DDX10: variants seen among roughly 807,000 people sequenced by gnomAD.
The protein encoded by DDX10 is probable ATP-dependent RNA helicase DDX10.
A neutral mutation model predicts 104.3 loss-of-function variants in DDX10; 74 were observed. The observed-to-expected ratio is 0.71, with a 90% confidence interval of 0.59 to 0.86. The LOEUF (loss-of-function observed/expected upper bound fraction) is 0.86. Among genes scored for constraint, DDX10 ranks in the 40% least tolerant of loss-of-function variants. DDX10 has a pLI of 0.00. For missense variants in DDX10, 952 were observed against 1,040.0 expected (o/e 0.92, Z 1.16); for synonymous variants, 351 against 353.4 (o/e 0.99, Z 0.08).
intron 16 of DDX10, among the ~76,000 whole-genome samples, chr11:108,882,059 C>T (rs1039526502): frequency 6.6e-6 from 1 of 152,008 alleles, no homozygotes; most frequent in Non-Finnish European, 1.5e-5. Flanking sequence ...CTGTTTACTT[C>T]CTATTGGAGA....
At chr11:108,922,608 CTTCT>C (rs951048695) in intron 17 of DDX10, among the ~76,000 whole-genome samples, 7 of 152,196 alleles carry the variant, frequency 4.6e-5, no homozygotes, top group African/African-American at 1.4e-4. Context: ...TTACTTCTGC[CTTCT>C]TTCTCAGTTC....
At chr11:108,769,370 C>T (rs1266664166) in intron 13 of DDX10, among the ~76,000 whole-genome samples, 1 of 151,596 alleles carries the variant, frequency 6.6e-6, no homozygotes, top group African/African-American at 2.4e-5. Context: ...TGGTTTTAAC[C>T]CAAGCATTGG....
chr11:108,682,955 C>G (rs1402027454), intron 6 of DDX10, among the ~76,000 whole-genome samples: 1 of 151,972 alleles, frequency 6.6e-6, no homozygotes, highest in Non-Finnish European at 1.5e-5. Context: ...TGACAGTTCT[C>G]TTGTTCCTTT....
chr11:108,719,403 G>A (rs1591800312), intron 11 of DDX10, among the ~76,000 whole-genome samples: 1 of 151,666 alleles, frequency 6.6e-6, no homozygotes, highest in African/African-American at 2.4e-5. Flanking sequence ...TCCCTTTTTT[G>A]ATAGATGAGG....
intron 14 of DDX10, among the ~76,000 whole-genome samples, chr11:108,839,852 A>G (rs1862612358): frequency 6.6e-6 from 1 of 152,210 alleles, no homozygotes; most frequent in African/African-American, 2.4e-5. Flanking sequence ...TGTTCACTGT[A>G]AAATGAGATG....
intron 16 of DDX10, among the ~76,000 whole-genome samples, chr11:108,896,870 A>T (rs990848344): frequency 6.6e-6 from 1 of 151,840 alleles, no homozygotes; most frequent in African/African-American, 2.4e-5. Flanking sequence ...GACTGGGGGG[A>T]AAAAAAATCC....
intron 13 of DDX10, among the ~76,000 whole-genome samples, chr11:108,754,891 A>G (rs1369541538): frequency 6.6e-6 from 1 of 152,064 alleles, no homozygotes; most frequent in Admixed American, 6.6e-5. Context: ...TTGGATTTTC[A>G]GACTGATACA....
At chr11:108,913,622 T>C (rs1218615677) in intron 16 of DDX10, among the ~76,000 whole-genome samples, 1 of 152,182 alleles carries the variant, frequency 6.6e-6, no homozygotes, top group African/African-American at 2.4e-5. Context: ...AGTCCCTAGC[T>C]TGACTTCCCT....
intron 16 of DDX10, among the ~76,000 whole-genome samples, chr11:108,878,783 C>T (rs1455565373): frequency 1.7e-5 from 1 of 58,446 alleles, no homozygotes; most frequent in African/African-American, 4.8e-5. Context: ...TAGAGATTAA[C>T]ATAGTTGTTT....
intron 16 of DDX10, among the ~76,000 whole-genome samples, chr11:108,916,129 T>C (rs1278021092): frequency 6.6e-6 from 1 of 152,256 alleles, no homozygotes; most frequent in Non-Finnish European, 1.5e-5. Flanking sequence ...CCTCCATTCT[T>C]TTTAGGTGTA....
At chr11:108,881,083 C>A (rs539617775) in intron 16 of DDX10, among the ~76,000 whole-genome samples, 1 of 152,284 alleles carries the variant, frequency 6.6e-6, no homozygotes, top group South Asian at 2.1e-4. Context: ...ACTCTTTAAA[C>A]CGTTTCTTAA....
rs116879952 is a variant in DDX10, at chr11:108,889,500, C to T, written c.2305-28373C>T. ...AATAAAATTATCATCTGTGTTCCCA[C>T]TAATATCAAATGTTAACTTTTTTTT... On this transcript the variant is annotated intron_variant, in intron 16 of 17. Coordinates refer to ENST00000322536, the MANE Select transcript of DDX10 (RefSeq NM_004398.4). 9.3e-3 allele frequency among the ~76,000 whole-genome samples: 1,407 copies of T among 152,100 alleles called. 10 individuals carry two copies. Among genetic ancestry groups the T allele is most frequent in the Non-Finnish European group, 0.015 (1,018 of 67,960 alleles).
chr11:108,791,099 A>G (rs1179952000), intron 13 of DDX10, among the ~76,000 whole-genome samples: 8 of 152,232 alleles, frequency 5.3e-5, no homozygotes. Context: ...AAGAGATACT[A>G]GTGTGACTTC....
intron 12 of DDX10, among the ~76,000 whole-genome samples, chr11:108,721,478 G>C (rs532314377): frequency 9.9e-4 from 151 of 152,252 alleles, no homozygotes; most frequent in African/African-American, 3.5e-3. Flanking sequence ...GAAAGGCACA[G>C]GTCTTTAACA....
At chr11:108,924,164 A>G (rs1863877719) in intron 17 of DDX10, among the ~76,000 whole-genome samples, 1 of 152,164 alleles carries the variant, frequency 6.6e-6, no homozygotes, top group Non-Finnish European at 1.5e-5. Context: ...AGTCAAATTA[A>G]ATTTTTAATA....
intron 10 of DDX10, among the ~76,000 whole-genome samples, chr11:108,707,095 AT>A (rs1362405498): frequency 6.6e-6 from 1 of 152,004 alleles, no homozygotes; most frequent in Non-Finnish European, 1.5e-5. Flanking sequence ...ATCTGCTACA[AT>A]TGATGAACCT....
intron 16 of DDX10, among the ~76,000 whole-genome samples, chr11:108,867,414 A>C (rs1863020910): frequency 6.6e-6 from 1 of 152,172 alleles, no homozygotes; most frequent in Non-Finnish European, 1.5e-5. Flanking sequence ...CTACCTTGGG[A>C]AATGTTGGTT....
chr11:108,869,193 C>T (rs1245997274), intron 16 of DDX10, among the ~76,000 whole-genome samples: 3 of 66,398 alleles, frequency 4.5e-5, no homozygotes, highest in Non-Finnish European at 1.0e-4. Flanking sequence ...TTTTTAAACC[C>T]GTTGTTTTTT....
chr11:108,853,159 G>A (rs1862818469), intron 16 of DDX10, among the ~76,000 whole-genome samples: 1 of 152,064 alleles, frequency 6.6e-6, no homozygotes, highest in Non-Finnish European at 1.5e-5. Flanking sequence ...CCAAAAACGA[G>A]AGCTCCAGTG....
Sources: allele counts gnomAD v4.1 joint callset (sites outside exome capture counted in the v4.1 genomes callset), GRCh38; gene constraint gnomAD v4.1.1; transcripts MANE v1.5; gene names NCBI Gene and HGNC (gene_info 2026-07-23, HGNC 2026-07-21).